Variants in NCKAP5 observed in about 807,000 individuals in gnomAD.
NCKAP5 encodes the protein NCK associated protein 5.
NCKAP5 carries 92 observed loss-of-function variants against 167.0 expected under a neutral mutation model. That is an observed-to-expected ratio of 0.55 (90% CI 0.47 to 0.66). The LOEUF is 0.66. Ranked by LOEUF, NCKAP5 falls within the 30% of genes least tolerant of loss-of-function variation. The pLI is 0.00. For missense variants in NCKAP5, 2,378 were observed against 2,315.0 expected (o/e 1.03, Z -0.56); for synonymous variants, 891 against 877.4 (o/e 1.02, Z -0.27).
intron 4 of NCKAP5, among the ~76,000 whole-genome samples, chr2:133,259,599 A>T (rs2088803600): frequency 6.6e-6 from 1 of 152,204 alleles, no homozygotes; most frequent in African/African-American, 2.4e-5. Context: ...CAACATCAGG[A>T]TTCCAAAGTT....
At chr2:133,237,739 T>C (rs1165060098) in intron 4 of NCKAP5, among the ~76,000 whole-genome samples, 1 of 152,224 alleles carries the variant, frequency 6.6e-6, no homozygotes, top group Non-Finnish European at 1.5e-5. Flanking sequence ...ATGTCTCACC[T>C]CAGCATTGAA....
intron 3 of NCKAP5, among the ~76,000 whole-genome samples, chr2:133,440,295 C>G (rs1049582800): frequency 1.3e-5 from 2 of 152,088 alleles, no homozygotes; most frequent in Non-Finnish European, 2.9e-5. Flanking sequence ...GTAGTATAGG[C>G]ATAAAAATAC....
rs72842484 is a variant in NCKAP5, at chr2:133,181,973, T to C, written c.207+31743A>G. ...ACTCCAAAGAAAGCTAGAGTGACTA[T>C]ATTAATATCAGGTAGACTTCAGAGC... On this transcript the variant is annotated intron_variant, in intron 5 of 19. Coordinates refer to ENST00000409261, the MANE Select transcript of NCKAP5 (RefSeq NM_207363.3). Among the ~76,000 whole-genome samples, 590 of 152,274 alleles carry C rather than the reference T, an allele frequency of 3.9e-3. 1 individual carries two copies. The highest frequency in any genetic ancestry group is 0.01 in the Middle Eastern group (3 of 294).
intron 3 of NCKAP5, among the ~76,000 whole-genome samples, chr2:133,403,785 T>C (rs1688247625): frequency 6.6e-6 from 1 of 152,206 alleles, no homozygotes; most frequent in South Asian, 2.1e-4. Context: ...AAAGGTAGTA[T>C]AGAGGGTTAG....
At chr2:132,706,816 C>T (rs952214540) in intron 19 of NCKAP5, among the ~76,000 whole-genome samples, 2 of 151,878 alleles carry the variant, frequency 1.3e-5, no homozygotes, top group African/African-American at 2.4e-5. Context: ...GGAGAGGGAG[C>T]TTGCACAAAA....
At chr2:132,993,783 T>C (rs1016283476) in intron 7 of NCKAP5, among the ~76,000 whole-genome samples, 1 of 152,214 alleles carries the variant, frequency 6.6e-6, no homozygotes, top group South Asian at 2.1e-4. Flanking sequence ...CAAGTATTTA[T>C]TCCTCACCTC....
intron 5 of NCKAP5, among the ~76,000 whole-genome samples, chr2:133,200,324 T>C (rs1304096739): frequency 3.3e-5 from 5 of 152,026 alleles, no homozygotes; most frequent in African/African-American, 1.2e-4. Flanking sequence ...AACCTTCACG[T>C]TCATGTTAAC....
At chr2:133,383,558 A>G (rs1159153321) in intron 3 of NCKAP5, among the ~76,000 whole-genome samples, 1 of 152,168 alleles carries the variant, frequency 6.6e-6, no homozygotes, top group Non-Finnish European at 1.5e-5. Flanking sequence ...AGCATGATTT[A>G]TATTCCTTTG....
chr2:132,881,674 T>TG (rs922190575), intron 8 of NCKAP5, among the ~76,000 whole-genome samples: 1 of 151,740 alleles, frequency 6.6e-6, no homozygotes. Flanking sequence ...CAGGCAATGC[T>TG]GGGCCCTTCT....
chr2:133,235,233 C>T (rs530547432), intron 4 of NCKAP5, among the ~76,000 whole-genome samples: 1 of 152,112 alleles, frequency 6.6e-6, no homozygotes, highest in South Asian at 2.1e-4. Context: ...CTTCACTGTC[C>T]CTTGCAGACT....
chr2:132,818,667 G>A (rs907532093), intron 11 of NCKAP5, among the ~76,000 whole-genome samples: 3 of 152,214 alleles, frequency 2.0e-5, no homozygotes, highest in African/African-American at 7.2e-5. Context: ...CAGCCTGGGT[G>A]ACAGAGTGTG....
At chr2:133,239,330 C>T (rs1227495477) in intron 4 of NCKAP5, among the ~76,000 whole-genome samples, 1 of 152,106 alleles carries the variant, frequency 6.6e-6, no homozygotes, top group African/African-American at 2.4e-5. Flanking sequence ...CAACTGCTAG[C>T]CCATTTATTT....
At chr2:133,654,331 T>C in the NCKAP5 span, among the ~76,000 whole-genome samples, 1 of 151,926 alleles carries the variant, frequency 6.6e-6, no homozygotes, top group Non-Finnish European at 1.5e-5. Context: ...TGAGCCAAGA[T>C]CGCACCACTG....
intron 8 of NCKAP5, among the ~76,000 whole-genome samples, chr2:132,896,141 C>T (rs190092239): frequency 2.0e-5 from 3 of 152,256 alleles, no homozygotes; most frequent in African/African-American, 4.8e-5. Flanking sequence ...GTCTCAAAAA[C>T]AAGCAAACAA....
intron 4 of NCKAP5, among the ~76,000 whole-genome samples, chr2:133,265,833 G>A (rs925200604): frequency 6.6e-6 from 1 of 152,158 alleles, no homozygotes; most frequent in South Asian, 2.1e-4. Context: ...TTTCCCAGTG[G>A]CACAGCTATG....
chr2:132,880,721 C>T (rs1383283702), intron 8 of NCKAP5, among the ~76,000 whole-genome samples: 1 of 152,148 alleles, frequency 6.6e-6, no homozygotes, highest in East Asian at 1.9e-4. Flanking sequence ...ATACCTGTAA[C>T]AAAATATCAC....
At chr2:133,274,693 T>G (rs2089655754) in intron 4 of NCKAP5, among the ~76,000 whole-genome samples, 1 of 151,944 alleles carries the variant, frequency 6.6e-6, no homozygotes, top group African/African-American at 2.4e-5. Context: ...ATTTATGGAC[T>G]CAGGGTATAT....
intron 5 of NCKAP5, among the ~76,000 whole-genome samples, chr2:133,157,602 G>A (rs1481373294): frequency 6.6e-6 from 1 of 152,022 alleles, no homozygotes; most frequent in Admixed American, 6.6e-5. Flanking sequence ...ATAAACTCCC[G>A]AGAATAAAAC....
chr2:132,677,818 A>C (rs918211146), intron 19 of NCKAP5, among the ~76,000 whole-genome samples: 1 of 152,032 alleles, frequency 6.6e-6, no homozygotes, highest in Non-Finnish European at 1.5e-5. Flanking sequence ...AAAAGTTTTG[A>C]CTTCCAAACT....
Sources: allele counts gnomAD v4.1 joint callset (sites outside exome capture counted in the v4.1 genomes callset), GRCh38; gene constraint gnomAD v4.1.1; transcripts MANE v1.5; gene names NCBI Gene and HGNC (gene_info 2026-07-23, HGNC 2026-07-21).